CMSS1: variants seen among roughly 807,000 people sequenced by gnomAD.
CMSS1 encodes the protein cms1 ribosomal small subunit homolog.
In CMSS1, 33 loss-of-function variants were observed where a neutral mutation model predicts 43.5. That is an observed-to-expected ratio of 0.76 (90% CI 0.57 to 1.01). CMSS1 has a LOEUF of 1.01. CMSS1 is among the 50% of genes least tolerant of loss of function. The pLI, the probability that CMSS1 is intolerant of heterozygous loss-of-function variation, is 0.00. For synonymous variants in CMSS1, 115 were observed against 117.2 expected (o/e 0.98, Z 0.12); for missense variants, 313 against 326.4 (o/e 0.96, Z 0.32).
chr3:100,008,928 C>G (rs1710065890), intron 1 of CMSS1, among the ~76,000 whole-genome samples: 1 of 152,200 alleles, frequency 6.6e-6, no homozygotes, highest in African/African-American at 2.4e-5. Flanking sequence ...AAACTTGGAA[C>G]ACCTATAAAT....
At position 99,866,272 on chromosome 3, in the gene CMSS1, G is replaced by A. The variant is rs542276124; in HGVS notation, c.64+48229G>A. 9.1e-4 allele frequency among the ~76,000 whole-genome samples: 138 copies of A among 152,144 alleles called. 1 individual carries two copies. The highest frequency in any genetic ancestry group is 3.2e-3 in the African/African-American group (133 of 41,512). On this transcript the variant is annotated intron_variant, in intron 1 of 9. Coordinates refer to ENST00000421999, the MANE Select transcript of CMSS1 (RefSeq NM_032359.4). ...AAAAGCCAAAGCAGGGGCCAGTCAC[G>A]TACCAGAATGGATAAGTTCACTGGT...
chr3:100,048,094 C>T (rs1208593021), intron 1 of CMSS1, among the ~76,000 whole-genome samples: 1 of 152,192 alleles, frequency 6.6e-6, no homozygotes, highest in Admixed American at 6.5e-5. Context: ...CAGCCACAAT[C>T]CAAGTCCACT....
At chr3:99,959,849 G>C (rs1457946387) in intron 1 of CMSS1, among the ~76,000 whole-genome samples, 2 of 152,126 alleles carry the variant, frequency 1.3e-5, no homozygotes, top group Non-Finnish European at 2.9e-5. Context: ...TTATGAGCAT[G>C]GTTCTTGACT....
At chr3:100,067,279 C>G (rs948377128) in intron 1 of CMSS1, among the ~76,000 whole-genome samples, 19 of 152,178 alleles carry the variant, frequency 1.2e-4, no homozygotes, top group South Asian at 4.1e-4. Context: ...CCTTTTCTCT[C>G]TTCTTGGCTT....
Position 100,176,320 on chromosome 3 carries a change from C to G in CMSS1, c.668-7C>G, listed in dbSNP as rs183156721. ...TACTACAGCAACTCTCTTCCTGTCT[C>G]TTTCAGGTGGCCTTAATTTGAGCCC... On this transcript the variant is annotated splice_region_variant and splice_polypyrimidine_tract_variant and intron_variant, in intron 8 of 9. Coordinates refer to ENST00000421999, the MANE Select transcript of CMSS1 (RefSeq NM_032359.4). The G allele has an allele frequency of 3.8e-4, 615 of 1,597,568 alleles. No individual in the cohort carries two copies. Among genetic ancestry groups the G allele is most frequent in the Non-Finnish European group, 3.4e-4 (402 of 1,165,222 alleles).
intron 1 of CMSS1, among the ~76,000 whole-genome samples, chr3:99,903,080 C>T (rs1487738608): frequency 6.6e-6 from 1 of 151,956 alleles, no homozygotes; most frequent in Non-Finnish European, 1.5e-5. Flanking sequence ...CCCTAGGTAC[C>T]TTATTTATCA....
At chr3:99,959,400 T>A (rs559461079) in intron 1 of CMSS1, among the ~76,000 whole-genome samples, 10 of 152,344 alleles carry the variant, frequency 6.6e-5, no homozygotes, top group African/African-American at 2.4e-4. Flanking sequence ...TCTGCCTGAC[T>A]CAGACTCCCA....
At chr3:100,056,122 G>A (rs1253579399) in intron 1 of CMSS1, among the ~76,000 whole-genome samples, 4 of 152,294 alleles carry the variant, frequency 2.6e-5, no homozygotes, top group African/African-American at 9.6e-5. Flanking sequence ...CTGAAGGGAA[G>A]GGAAGGCAGG....
intron 1 of CMSS1, among the ~76,000 whole-genome samples, chr3:99,842,557 A>G (rs1943182523): frequency 6.6e-6 from 1 of 151,896 alleles, no homozygotes; most frequent in South Asian, 2.1e-4. Flanking sequence ...TCATACCAGG[A>G]CCATTTGGCT....
rs561798324 is a variant in CMSS1, at chr3:100,076,938, T to C, written c.65-70035T>C. ...ACAAAAATTACTTTTCAAATTACAGTTCCTGCAAGAGATGTCTCTTCCCAG... is the reference window on the plus strand; with the variant it reads ...ACAAAAATTACTTTTCAAATTACAGCTCCTGCAAGAGATGTCTCTTCCCAG... On this transcript the variant is annotated intron_variant, in intron 1 of 9. Coordinates refer to ENST00000421999, the MANE Select transcript of CMSS1 (RefSeq NM_032359.4). Among the ~76,000 whole-genome samples, 39 of 152,348 alleles carry C rather than the reference T, an allele frequency of 2.6e-4. 1 individual carries two copies. The highest frequency in any genetic ancestry group is 4.1e-4 in the South Asian group (2 of 4,834).
At chr3:100,037,333 A>G (rs775818934) in intron 1 of CMSS1, among the ~76,000 whole-genome samples, 7 of 152,224 alleles carry the variant, frequency 4.6e-5, no homozygotes, top group Non-Finnish European at 1.0e-4. Context: ...CAAAAGTGGT[A>G]AAAATTTTAA....
At chr3:100,042,556 T>C (rs2065222363) in intron 1 of CMSS1, among the ~76,000 whole-genome samples, 1 of 152,242 alleles carries the variant, frequency 6.6e-6, no homozygotes, top group South Asian at 2.1e-4. Context: ...TTTTAATTCT[T>C]TGGAAATTGG....
chr3:99,880,956 G>A (rs1705706317), intron 1 of CMSS1, among the ~76,000 whole-genome samples: 2 of 151,970 alleles, frequency 1.3e-5, no homozygotes, highest in Middle Eastern at 3.4e-3. Flanking sequence ...TGGCTTTTCT[G>A]TAGACATTGG....
intron 1 of CMSS1, among the ~76,000 whole-genome samples, chr3:100,115,978 C>T (rs2066564510): frequency 1.3e-5 from 2 of 152,092 alleles, no homozygotes; most frequent in South Asian, 2.1e-4. Flanking sequence ...TTGAAGAGTA[C>T]GTTTTGTAGA....
chr3:99,873,697 T>G (rs887523034), intron 1 of CMSS1, among the ~76,000 whole-genome samples: 2 of 152,144 alleles, frequency 1.3e-5, no homozygotes, highest in South Asian at 4.1e-4. Context: ...AGAGAACCCT[T>G]AAACAAAATT....
chr3:100,029,598 CTAAA>C (rs1268091225), intron 1 of CMSS1, among the ~76,000 whole-genome samples: 1 of 152,118 alleles, frequency 6.6e-6, no homozygotes, highest in Admixed American at 6.6e-5. Flanking sequence ...TTATTCCAGC[CTAAA>C]TAGTCTAATC....
chr3:100,036,171 G>A (rs2065103736), intron 1 of CMSS1, among the ~76,000 whole-genome samples: 1 of 152,128 alleles, frequency 6.6e-6, no homozygotes, highest in South Asian at 2.1e-4. Flanking sequence ...AAATTTCCTA[G>A]CTCTGTCAAC....
chr3:100,052,394 AG>A (rs2065389373), intron 1 of CMSS1, among the ~76,000 whole-genome samples: 1 of 152,182 alleles, frequency 6.6e-6, no homozygotes, highest in Non-Finnish European at 1.5e-5. Flanking sequence ...CCAAGGTCTG[AG>A]GGGTAGTAGT....
At chr3:100,113,850 A>G (rs2066530388) in intron 1 of CMSS1, among the ~76,000 whole-genome samples, 1 of 152,144 alleles carries the variant, frequency 6.6e-6, no homozygotes, top group African/African-American at 2.4e-5. Context: ...CTGTCAGGAT[A>G]GTTCCTCTAT....
Sources: allele counts gnomAD v4.1 joint callset (sites outside exome capture counted in the v4.1 genomes callset), GRCh38; gene constraint gnomAD v4.1.1; transcripts MANE v1.5; gene names NCBI Gene and HGNC (gene_info 2026-07-23, HGNC 2026-07-21).